The following CDH18 variants were observed in gnomAD, a reference collection of about 807,000 sequenced individuals.
CDH18 encodes cadherin-18.
CDH18 carries 31 observed loss-of-function variants against 67.9 expected under a neutral mutation model. The observed-to-expected ratio is 0.46, with a 90% CI of 0.34 to 0.62. CDH18 has a LOEUF of 0.62. Ranked by LOEUF, CDH18 falls within the 20% of genes least tolerant of loss-of-function variation. The probability of loss-of-function intolerance (pLI) is 0.01; values close to 1 mark genes in which losing one functional copy is unlikely to be tolerated. For missense variants in CDH18, 890 were observed against 975.5 expected (o/e 0.91, Z 1.17); for synonymous variants, 362 against 347.2 (o/e 1.04, Z -0.48).
chr5:19,721,699 T>C (rs189115049), intron 4 of CDH18, among the ~76,000 whole-genome samples: 1 of 152,316 alleles, frequency 6.6e-6, no homozygotes, highest in Admixed American at 6.5e-5. Context: ...AACATGGCTC[T>C]TTATGTGTTG....
intron 1 of CDH18, among the ~76,000 whole-genome samples, chr5:20,448,897 T>C (rs1210357420): frequency 1.3e-5 from 2 of 152,152 alleles, no homozygotes; most frequent in South Asian, 2.1e-4. Context: ...ATTATTGTTC[T>C]AAACTTAGAT....
intron 3 of CDH18, among the ~76,000 whole-genome samples, chr5:19,821,857 C>A (rs936891409): frequency 6.6e-6 from 1 of 152,084 alleles, no homozygotes; most frequent in African/African-American, 2.4e-5. Context: ...CATATCCCAG[C>A]AAATTAAGCT....
intron 2 of CDH18, among the ~76,000 whole-genome samples, chr5:20,247,383 T>C (rs183780239): frequency 3.3e-5 from 5 of 152,214 alleles, no homozygotes; most frequent in Non-Finnish European, 1.5e-5. Context: ...AAAATAAATA[T>C]GGTAAAGACA....
At chr5:20,144,443 G>A (rs1750485794) in intron 2 of CDH18, among the ~76,000 whole-genome samples, 1 of 152,094 alleles carries the variant, frequency 6.6e-6, no homozygotes, top group East Asian at 1.9e-4. Context: ...TACTCCTATA[G>A]CAGCAGTATA....
chr5:20,520,143 G>T (rs550757795), intron 1 of CDH18, among the ~76,000 whole-genome samples: 25 of 151,574 alleles, frequency 1.6e-4, no homozygotes, highest in African/African-American at 5.8e-4. Flanking sequence ...GCATTAGGGT[G>T]TCTAAGAGCT....
At chr5:19,527,633 TA>T (rs1433598806) in intron 9 of CDH18, among the ~76,000 whole-genome samples, 3 of 151,774 alleles carry the variant, frequency 2.0e-5, no homozygotes, top group Non-Finnish European at 3.0e-5. Context: ...ACTCTGTGTT[TA>T]AGGTCTGTTA....
intron 1 of CDH18, among the ~76,000 whole-genome samples, chr5:20,509,334 C>CT (rs1754870069): frequency 6.6e-6 from 1 of 151,446 alleles, no homozygotes. Context: ...GGTATTTGTC[C>CT]TTTTGTGCCT....
chr5:19,686,677 T>C (rs1761137981), intron 5 of CDH18, among the ~76,000 whole-genome samples: 2 of 152,304 alleles, frequency 1.3e-5, no homozygotes, highest in East Asian at 3.9e-4. Context: ...GTTCCGCAAC[T>C]GTGGAACACA....
At chr5:20,011,002 A>G (rs572809818) in intron 2 of CDH18, among the ~76,000 whole-genome samples, 1 of 152,302 alleles carries the variant, frequency 6.6e-6, no homozygotes, top group Admixed American at 6.5e-5. Context: ...CCCTGCACGC[A>G]CACATCATTA....
chr5:20,183,040 T>C (rs1440267057), intron 2 of CDH18, among the ~76,000 whole-genome samples: 1 of 152,050 alleles, frequency 6.6e-6, no homozygotes, highest in African/African-American at 2.4e-5. Context: ...GGGTCCTCAG[T>C]TTGGTCATCA....
At chr5:19,850,896 G>A (rs1487941476) in intron 2 of CDH18, among the ~76,000 whole-genome samples, 3 of 151,726 alleles carry the variant, frequency 2.0e-5, no homozygotes, top group Non-Finnish European at 4.4e-5. Flanking sequence ...ACATCATCCT[G>A]TTTATGCTAC....
chr5:20,230,763 T>C (rs1742004841), intron 2 of CDH18, among the ~76,000 whole-genome samples: 1 of 152,208 alleles, frequency 6.6e-6, no homozygotes, highest in African/African-American at 2.4e-5. Flanking sequence ...TCTTCTAGAA[T>C]AGTTTTATTT....
chr5:20,034,973 C>T (rs1739722636), intron 2 of CDH18, among the ~76,000 whole-genome samples: 1 of 151,992 alleles, frequency 6.6e-6, no homozygotes, highest in African/African-American at 2.4e-5. Flanking sequence ...CTTGCATAAC[C>T]AATAAATGTA....
At chr5:19,863,592 T>G (rs1005337194) in intron 2 of CDH18, among the ~76,000 whole-genome samples, 1 of 152,292 alleles carries the variant, frequency 6.6e-6, no homozygotes, top group Non-Finnish European at 1.5e-5. Context: ...TGAACTTTCT[T>G]GTGCCCATGC....
chr5:20,260,264 C>A (rs1322313900), intron 1 of CDH18, among the ~76,000 whole-genome samples: 14 of 151,664 alleles, frequency 9.2e-5, no homozygotes, highest in Admixed American at 8.5e-4. Flanking sequence ...CTTCCATTTT[C>A]CTATTTTTGA....
intron 1 of CDH18, among the ~76,000 whole-genome samples, chr5:20,382,200 C>T (rs188124559): frequency 2.0e-4 from 30 of 152,102 alleles, no homozygotes; most frequent in African/African-American, 2.4e-4. Flanking sequence ...TATAAAATTT[C>T]GAGAATATGT....
At chr5:20,203,491 A>G (rs957247067) in intron 2 of CDH18, among the ~76,000 whole-genome samples, 1 of 152,112 alleles carries the variant, frequency 6.6e-6, no homozygotes, top group African/African-American at 2.4e-5. Context: ...TGGGACAGGA[A>G]GCGCTTTGAT....
At chr5:20,147,381 C>G (rs1750729662) in intron 2 of CDH18, among the ~76,000 whole-genome samples, 1 of 152,064 alleles carries the variant, frequency 6.6e-6, no homozygotes, top group Non-Finnish European at 1.5e-5. Flanking sequence ...CTTATACCCT[C>G]TAGCTCAGCC....
chr5:20,119,384 A>G (rs1580284934), intron 2 of CDH18, among the ~76,000 whole-genome samples: 1 of 152,092 alleles, frequency 6.6e-6, no homozygotes, highest in East Asian at 1.9e-4. Context: ...TTGCCTTTCC[A>G]CTAAACAACT....
Sources: allele counts gnomAD v4.1 joint callset (sites outside exome capture counted in the v4.1 genomes callset), GRCh38; gene constraint gnomAD v4.1.1; transcripts MANE v1.5; gene names NCBI Gene and HGNC (gene_info 2026-07-23, HGNC 2026-07-21).